Variants in CASD1 observed in about 807,000 individuals in gnomAD.
CASD1 encodes the protein CAS1 domain sialic acid O acetyltransferase 1, also known as N-acetylneuraminate (7)9-O-acetyltransferase.
Under a neutral mutation model 100.0 loss-of-function variants are expected in CASD1, and 41 were observed. The observed-to-expected ratio is 0.41, with a 90% CI of 0.32 to 0.53. The LOEUF is 0.53. Ranked by LOEUF, CASD1 falls within the 20% of genes least tolerant of loss-of-function variation. The pLI, the probability that CASD1 is intolerant of heterozygous loss-of-function variation, is 0.25. For synonymous variants in CASD1, 321 were observed against 315.6 expected, an observed-to-expected ratio of 1.02 and a Z score of -0.18; for missense variants, 774 against 948.7, an observed-to-expected ratio of 0.82 and a Z score of 2.42.
At chr7:94,553,063 T>C in intron 16 of CASD1, 1 of 352,084 alleles carries the variant, frequency 2.8e-6, no homozygotes. Flanking sequence ...GTTGTACAAC[T>C]TATGCAATAC....
intron 14 of CASD1, 27 bp from the exon 15 acceptor site, chr7:94,551,311 A>G (rs1172053292): frequency 5.9e-6 from 9 of 1,514,210 alleles, no homozygotes; most frequent in Non-Finnish European, 7.9e-6. Context: ...AACTGTTTAA[A>G]ACAAATTTTC....
the CASD1 span, chr7:94,599,442 T>C: frequency 4.2e-6 from 2 of 481,008 alleles, no homozygotes; most frequent in Non-Finnish European, 7.3e-6. Context: ...ATAATATAAA[T>C]GGTAAGTTAA....
the CASD1 span, among the ~76,000 whole-genome samples, chr7:94,574,555 C>A: frequency 1.3e-5 from 2 of 151,632 alleles, no homozygotes; most frequent in African/African-American, 4.8e-5. Context: ...AGTTTTATTT[C>A]TTTGTGGTCA....
At chr7:94,547,635 T>C (rs1392853669) in intron 13 of CASD1, among the ~76,000 whole-genome samples, 1 of 151,174 alleles carries the variant, frequency 6.6e-6, no homozygotes, top group Non-Finnish European at 1.5e-5. Flanking sequence ...TATGTTTAAT[T>C]AAATAAAACT....
In CASD1 at chr7:94,509,867, G is replaced by C. The variant is rs563385137; in HGVS notation, c.-218G>C. ...ACGGCGGAGCAGCGGCGGCGGGGCT[G>C]GGGGGAGGCCGCCGAGTCGGCCGCG... On this transcript the variant is annotated 5_prime_UTR_variant, in exon 1 of 18. Transcript: ENST00000297273. 7 of 1,023,740 alleles carry C rather than the reference G, an allele frequency of 6.8e-6. No homozygotes were observed. Among genetic ancestry groups the C allele is most frequent in the African/African-American group, 1.7e-5 (1 of 58,024 alleles). 63.4% of individuals were successfully genotyped at this position (1,023,740 alleles called of 1,614,324 possible).
chr7:94,565,006 C>T, the CASD1 span, among the ~76,000 whole-genome samples: 1 of 152,026 alleles, frequency 6.6e-6, no homozygotes, highest in South Asian at 2.1e-4. Flanking sequence ...AGCTCTCAGC[C>T]TCCTGCTCCT....
chr7:94,619,220 G>T, the CASD1 span: 1 of 311,716 alleles, frequency 3.2e-6, no homozygotes, highest in Non-Finnish European at 5.9e-6. Flanking sequence ...ATAGAATTTG[G>T]CAAAACAACT....
the CASD1 span, chr7:94,623,520 C>T: frequency 1.5e-6 from 1 of 678,938 alleles, no homozygotes; most frequent in African/African-American, 1.8e-5. Context: ...GATATACTTA[C>T]AAAATATTCC....
intron 10 of CASD1, among the ~76,000 whole-genome samples, chr7:94,541,124 A>G (rs1216639620): frequency 6.6e-6 from 1 of 152,156 alleles, no homozygotes; most frequent in African/African-American, 2.4e-5. Flanking sequence ...ATTAACTAAC[A>G]TATCCCTGTT....
At chr7:94,573,209 C>T in the CASD1 span, among the ~76,000 whole-genome samples, 1 of 152,174 alleles carries the variant, frequency 6.6e-6, no homozygotes, top group Non-Finnish European at 1.5e-5. Flanking sequence ...GCTATTCAGG[C>T]TCTTTTTTGG....
chr7:94,544,363 G>T (rs774984477), intron 10 of CASD1, 48 bp from the exon 11 acceptor site: 2 of 1,605,128 alleles, frequency 1.2e-6, no homozygotes, highest in East Asian at 2.3e-5. Flanking sequence ...ATAATCCAAG[G>T]TGTAGTTGAT....
At chr7:94,562,239 T>TA in the CASD1 span, among the ~76,000 whole-genome samples, 2 of 152,218 alleles carry the variant, frequency 1.3e-5, no homozygotes, top group African/African-American at 4.8e-5. Flanking sequence ...GTATTGTTTA[T>TA]ATTAGTCTCA....
intron 1 of CASD1, among the ~76,000 whole-genome samples, 179 bp downstream of exon 1, chr7:94,510,396 AC>A (rs1359551335): frequency 6.6e-6 from 1 of 151,950 alleles, no homozygotes; most frequent in Non-Finnish European, 1.5e-5. Flanking sequence ...AACTGAGTGG[AC>A]CCCAGTGGGG....
the CASD1 span, among the ~76,000 whole-genome samples, chr7:94,582,960 A>G: frequency 1.3e-5 from 2 of 152,204 alleles, no homozygotes; most frequent in East Asian, 3.9e-4. Flanking sequence ...AAATTCTGAA[A>G]TGCAAATTTT....
the CASD1 span, among the ~76,000 whole-genome samples, chr7:94,592,917 AT>A: frequency 1.3e-5 from 2 of 152,174 alleles, no homozygotes; most frequent in Admixed American, 6.5e-5. Context: ...GTATGGTGAC[AT>A]CATTTAACAA....
intron 17 of CASD1, among the ~76,000 whole-genome samples, chr7:94,555,141 G>C (rs1310983587): frequency 6.6e-6 from 1 of 152,008 alleles, no homozygotes; most frequent in African/African-American, 2.4e-5. Flanking sequence ...ATTTGAAATA[G>C]AATGTTTTAA....
the CASD1 span, chr7:94,619,001 C>A: frequency 7.5e-7 from 1 of 1,332,372 alleles, no homozygotes. Flanking sequence ...ATGAAGTAGT[C>A]TTTTAAAAAG....
chr7:94,577,344 A>G, the CASD1 span, among the ~76,000 whole-genome samples: 8 of 152,212 alleles, frequency 5.3e-5, no homozygotes, highest in Non-Finnish European at 7.3e-5. Flanking sequence ...CTAATCCTTT[A>G]AAGTCCATAT....
chr7:94,574,596 G>T, the CASD1 span, among the ~76,000 whole-genome samples: 9 of 150,440 alleles, frequency 6.0e-5, no homozygotes, highest in African/African-American at 2.0e-4. Flanking sequence ...ATTTCTGATT[G>T]TTTTATTTGG....
Sources: allele counts gnomAD v4.1 joint callset (sites outside exome capture counted in the v4.1 genomes callset), GRCh38; gene constraint gnomAD v4.1.1; transcripts MANE v1.5; gene names NCBI Gene and HGNC (gene_info 2026-07-23, HGNC 2026-07-21).